The following FGF14 variants were observed in gnomAD, a reference collection of about 807,000 sequenced individuals.
FGF14 encodes the protein fibroblast growth factor homologous factor 4.
FGF14 carries 5 observed loss-of-function variants against 25.5 expected under a neutral mutation model. The ratio of observed to expected loss-of-function variants is 0.20; its 90% CI spans 0.10 to 0.41. The LOEUF (loss-of-function observed/expected upper bound fraction) is 0.41, where lower values mean the gene tolerates loss of function less well. Ranked by LOEUF, FGF14 falls within the 10% of genes least tolerant of loss-of-function variation. The pLI, the probability that FGF14 is intolerant of heterozygous loss-of-function variation, is 1.00. For missense variants in FGF14, 222 were observed against 320.1 expected, an observed-to-expected ratio of 0.69 and a Z score of 2.34; for synonymous variants, 138 against 118.3, an observed-to-expected ratio of 1.17 and a Z score of -1.08.
intron 1 of FGF14, among the ~76,000 whole-genome samples, chr13:102,194,011 G>A (rs900575493): frequency 4.6e-5 from 7 of 151,796 alleles, no homozygotes; most frequent in African/African-American, 1.7e-4. Flanking sequence ...TATTTTCAAA[G>A]ACCAAAAGTA....
intron 1 of FGF14, among the ~76,000 whole-genome samples, chr13:101,977,382 T>TTA (rs2037994074): frequency 6.6e-6 from 1 of 152,174 alleles, no homozygotes; most frequent in Non-Finnish European, 1.5e-5. Flanking sequence ...TCTCCCCCAT[T>TTA]GTGAAGCAGC....
chr13:102,025,876 ATTAG>A (rs1371980598), intron 1 of FGF14, among the ~76,000 whole-genome samples: 1 of 151,976 alleles, frequency 6.6e-6, no homozygotes, highest in Non-Finnish European at 1.5e-5. Flanking sequence ...AAATTCATTT[ATTAG>A]TTCTAATAGT....
chr13:101,749,030 C>A (rs2037086819), intron 3 of FGF14, among the ~76,000 whole-genome samples: 1 of 152,080 alleles, frequency 6.6e-6, no homozygotes, highest in African/African-American at 2.4e-5. Context: ...ACCTTGAGAA[C>A]ATTACGCTAA....
intron 1 of FGF14, among the ~76,000 whole-genome samples, chr13:102,162,734 T>C (rs2047831750): frequency 1.3e-5 from 2 of 152,194 alleles, no homozygotes. Flanking sequence ...CAAGAAGCCA[T>C]AGCTGTTTCT....
At chr13:102,042,200 G>T (rs959320606) in intron 1 of FGF14, among the ~76,000 whole-genome samples, 1 of 152,176 alleles carries the variant, frequency 6.6e-6, no homozygotes, top group Non-Finnish European at 1.5e-5. Context: ...GAGGCAGTCT[G>T]CATCTGCATG....
intron 1 of FGF14, among the ~76,000 whole-genome samples, chr13:102,281,067 CTTT>C (rs905232287): frequency 6.6e-6 from 1 of 152,104 alleles, no homozygotes; most frequent in Admixed American, 6.5e-5. Context: ...TCTTTTATTC[CTTT>C]TTTTCCCCAA....
Position 102,378,619 on chromosome 13 carries a change from C to CTA in FGF14, c.208+22850_208+22851dup, listed in dbSNP as rs1266105817. 6.5e-3 allele frequency among the ~76,000 whole-genome samples: 865 copies of CTA among 132,800 alleles called. 4 individuals are homozygous for CTA. Among genetic ancestry groups the CTA allele is most frequent in the African/African-American group, 0.018 (606 of 33,478 alleles). The allele number at this position is 132,800 out of a possible 152,430, so 87.1% of individuals were successfully genotyped here. On this transcript the variant is annotated intron_variant, in intron 1 of 4. Transcript: ENST00000376131. ...TATATCTATCTATCTATCTATCTAT[C>CTA]TATCTATCTATCTATATATATATAT...
chr13:102,234,768 GC>G (rs1644555498), intron 1 of FGF14, among the ~76,000 whole-genome samples: 1 of 152,048 alleles, frequency 6.6e-6, no homozygotes, highest in Non-Finnish European at 1.5e-5. Flanking sequence ...TTACATCTGA[GC>G]TTATGAAACA....
intron 1 of FGF14, among the ~76,000 whole-genome samples, chr13:101,989,194 A>G (rs2139661126): frequency 6.6e-6 from 1 of 152,234 alleles, no homozygotes; most frequent in African/African-American, 2.4e-5. Flanking sequence ...ATAATCAAGT[A>G]ACTTACTGTC....
chr13:101,726,504 C>T (rs890348022), intron 4 of FGF14, 108 bp downstream of exon 4: 10 of 1,056,056 alleles, frequency 9.5e-6, no homozygotes, highest in Non-Finnish European at 1.4e-5. Flanking sequence ...AAATAAATGA[C>T]ATTTCCAGCA....
At chr13:101,857,487 T>C (rs2044185626) in intron 3 of FGF14, among the ~76,000 whole-genome samples, 1 of 152,074 alleles carries the variant, frequency 6.6e-6, no homozygotes, top group Non-Finnish European at 1.5e-5. Context: ...AGAGATCTAA[T>C]ATGTTTCTGC....
At chr13:102,001,190 GA>G (rs2039476063) in intron 1 of FGF14, among the ~76,000 whole-genome samples, 1 of 152,204 alleles carries the variant, frequency 6.6e-6, no homozygotes, top group African/African-American at 2.4e-5. Flanking sequence ...GGATTCATAG[GA>G]AAAATATTGT....
chr13:101,898,821 G>A (rs1473628863), intron 1 of FGF14, among the ~76,000 whole-genome samples: 3 of 152,134 alleles, frequency 2.0e-5, no homozygotes, highest in African/African-American at 7.2e-5. Context: ...GATGGCACTG[G>A]AGAGCTTCCA....
chr13:102,108,728 T>C (rs2045059208), intron 1 of FGF14, among the ~76,000 whole-genome samples: 1 of 152,200 alleles, frequency 6.6e-6, no homozygotes. Context: ...AGTTTTTCCA[T>C]TCTTAAAGGG....
At chr13:102,200,286 A>G (rs561878692) in intron 1 of FGF14, among the ~76,000 whole-genome samples, 128 of 152,304 alleles carry the variant, frequency 8.4e-4, no homozygotes, top group African/African-American at 2.8e-3. Context: ...CCCACATATA[A>G]TAACTTTGAA....
chr13:102,399,798 G>GT (rs1367802049), intron 1 of FGF14, among the ~76,000 whole-genome samples: 1 of 152,030 alleles, frequency 6.6e-6, no homozygotes, highest in East Asian at 1.9e-4. Flanking sequence ...TAGAAACGGT[G>GT]TAAGAACTAG....
At chr13:101,986,700 A>T (rs1486964516) in intron 1 of FGF14, among the ~76,000 whole-genome samples, 1 of 152,078 alleles carries the variant, frequency 6.6e-6, no homozygotes, top group Non-Finnish European at 1.5e-5. Context: ...AAAACACATT[A>T]CCTATCCATG....
At chr13:101,853,977 C>G (rs1476678850) in intron 3 of FGF14, among the ~76,000 whole-genome samples, 1 of 152,082 alleles carries the variant, frequency 6.6e-6, no homozygotes, top group Non-Finnish European at 1.5e-5. Context: ...TCAAACATCT[C>G]TGCACAACCA....
chr13:101,887,668 T>C (rs1259479264), intron 1 of FGF14, among the ~76,000 whole-genome samples: 2 of 152,102 alleles, frequency 1.3e-5, no homozygotes, highest in South Asian at 2.1e-4. Context: ...CAGTATTTGA[T>C]AGCACATTAG....
Sources: gnomAD v4.1 joint callset for allele counts (sites outside exome capture counted in the v4.1 genomes callset) on GRCh38, gnomAD v4.1.1 for gene constraint, MANE v1.5 for transcripts, NCBI Gene and HGNC (gene_info 2026-07-23, HGNC 2026-07-21) for gene names.